The following KCNMA1 variants were observed in gnomAD, a reference collection of about 807,000 sequenced individuals.
KCNMA1 encodes potassium calcium-activated channel subfamily M alpha 1.
KCNMA1 carries 29 observed loss-of-function variants against 140.0 expected under a neutral mutation model. The observed-to-expected ratio is 0.21, with a 90% CI of 0.15 to 0.28. KCNMA1 has a LOEUF of 0.28. Among genes scored for constraint, KCNMA1 ranks in the 10% least tolerant of loss-of-function variants. The pLI, the probability that KCNMA1 is intolerant of heterozygous loss-of-function variation, is 1.00. For missense variants in KCNMA1, 880 were observed against 1,602.2 expected (o/e 0.55, Z 7.70); for synonymous variants, 612 against 611.9 (o/e 1.00, Z 0.00).
At chr10:77,558,554 G>T (rs147778141) in intron 1 of KCNMA1, among the ~76,000 whole-genome samples, 13 of 152,250 alleles carry the variant, frequency 8.5e-5, no homozygotes, top group East Asian at 1.9e-4. Context: ...AAGAAGATAG[G>T]TTCCCTCATT....
chr10:77,268,470 T>C (rs1049211416), intron 2 of KCNMA1, among the ~76,000 whole-genome samples: 2 of 152,072 alleles, frequency 1.3e-5, no homozygotes, highest in South Asian at 2.1e-4. Flanking sequence ...GCATTGAACA[T>C]GATTAATAAA....
intron 3 of KCNMA1, among the ~76,000 whole-genome samples, chr10:77,207,250 CTT>C (rs1302243169): frequency 6.6e-6 from 1 of 152,080 alleles, no homozygotes; most frequent in African/African-American, 2.4e-5. Context: ...TAATTCCACA[CTT>C]AAAGTATCTT....
intron 22 of KCNMA1, among the ~76,000 whole-genome samples, chr10:76,945,562 C>T (rs960094046): frequency 6.6e-6 from 1 of 152,086 alleles, no homozygotes; most frequent in African/African-American, 2.4e-5. Context: ...AGTTAAGCTT[C>T]AGATCATATA....
Position 77,007,252 on chromosome 10 carries a change from A to G in KCNMA1, c.2092+4715T>C, listed in dbSNP as rs569417458. On this transcript the variant is annotated intron_variant, in intron 18 of 27. Transcript: ENST00000286628. Reference sequence around the variant, plus strand: ...ACTTGTTCAGACTTATACATTGCTCATTGCTGAAATGGAATGTTCTCCTCC... The same window carrying G: ...ACTTGTTCAGACTTATACATTGCTCGTTGCTGAAATGGAATGTTCTCCTCC... 2.6e-5 allele frequency among the ~76,000 whole-genome samples: 4 copies of G among 152,320 alleles called. No individual in the cohort carries two copies. In the South Asian group the frequency reaches 6.2e-4, roughly 24 times the overall value.
intron 1 of KCNMA1, among the ~76,000 whole-genome samples, chr10:77,422,590 A>G (rs757260896): frequency 8.5e-5 from 13 of 152,312 alleles, no homozygotes; most frequent in South Asian, 2.1e-4. Flanking sequence ...ATTTGTTTCA[A>G]TAGTAATCCC....
intron 1 of KCNMA1, among the ~76,000 whole-genome samples, chr10:77,424,578 G>A (rs2096936399): frequency 1.3e-5 from 2 of 149,160 alleles, no homozygotes; most frequent in Non-Finnish European, 3.0e-5. Context: ...CTCACAACAG[G>A]TTCTCAGACA....
chr10:76,984,459 G>T (rs939085053), intron 19 of KCNMA1, among the ~76,000 whole-genome samples: 3 of 152,190 alleles, frequency 2.0e-5, no homozygotes, highest in South Asian at 4.2e-4. Context: ...CAAAGTTCTG[G>T]GGTTACAGAC....
intron 15 of KCNMA1, among the ~76,000 whole-genome samples, chr10:77,034,992 A>C (rs1008215419): frequency 6.6e-6 from 1 of 152,078 alleles, no homozygotes; most frequent in Non-Finnish European, 1.5e-5. Flanking sequence ...CTCCTTGTCC[A>C]GCCCCTCCCC....
chr10:77,093,121 A>G (rs1201433097), intron 9 of KCNMA1, among the ~76,000 whole-genome samples: 1 of 152,234 alleles, frequency 6.6e-6, no homozygotes, highest in Non-Finnish European at 1.5e-5. Context: ...GACTTTTTTC[A>G]TTTGGTGCTA....
At chr10:77,527,641 G>A (rs74577679) in intron 1 of KCNMA1, among the ~76,000 whole-genome samples, 15,268 of 152,210 alleles carry the variant, frequency 0.1, 990 homozygotes, top group Middle Eastern at 0.15. Context: ...ATAACCAGAA[G>A]GCAGGTGCAA....
chr10:77,112,178 C>T (rs554663453), intron 7 of KCNMA1, among the ~76,000 whole-genome samples, 189 bp downstream of exon 7: 1 of 152,322 alleles, frequency 6.6e-6, no homozygotes, highest in Admixed American at 6.5e-5. Flanking sequence ...GCAAACATTA[C>T]TCACCATTTG....
chr10:76,922,616 A>C (rs1172672137), intron 23 of KCNMA1, among the ~76,000 whole-genome samples: 1 of 152,194 alleles, frequency 6.6e-6, no homozygotes, highest in Non-Finnish European at 1.5e-5. Flanking sequence ...AGGAGTCTGC[A>C]GGTGTGGGGC....
At chr10:77,446,679 T>A (rs1259886559) in intron 1 of KCNMA1, among the ~76,000 whole-genome samples, 2 of 152,220 alleles carry the variant, frequency 1.3e-5, no homozygotes, top group South Asian at 4.1e-4. Flanking sequence ...GGAAGACACA[T>A]CCCTAAGTTG....
chr10:76,984,390 G>A (rs370012308), intron 19 of KCNMA1, among the ~76,000 whole-genome samples: 7 of 151,890 alleles, frequency 4.6e-5, no homozygotes, highest in Non-Finnish European at 5.9e-5. Context: ...GGGTTTCACC[G>A]TGTTGGCCAG....
chr10:76,908,996 G>A (rs931419750), intron 25 of KCNMA1, among the ~76,000 whole-genome samples: 1 of 152,198 alleles, frequency 6.6e-6, no homozygotes, highest in Non-Finnish European at 1.5e-5. Flanking sequence ...AAAAACAAAT[G>A]CCTGATTGCT....
intron 19 of KCNMA1, 92 bp downstream of exon 19, chr10:77,001,315 G>A (rs894740359): frequency 2.9e-5 from 35 of 1,197,128 alleles, no homozygotes; most frequent in African/African-American, 2.3e-4. Context: ...ACATCAGCCC[G>A]ACTGACTCAG....
At chr10:76,899,028 A>G (rs966237312) in intron 25 of KCNMA1, among the ~76,000 whole-genome samples, 1 of 152,074 alleles carries the variant, frequency 6.6e-6, no homozygotes, top group Non-Finnish European at 1.5e-5. Flanking sequence ...ACATAGGAGA[A>G]TTAACAGTAT....
At chr10:77,481,977 A>G (rs1603628183) in intron 1 of KCNMA1, among the ~76,000 whole-genome samples, 1 of 152,190 alleles carries the variant, frequency 6.6e-6, no homozygotes, top group East Asian at 1.9e-4. Flanking sequence ...GTTCTTCCAG[A>G]CTCAGGGCCA....
At chr10:76,986,547 G>T (rs1783967327) in intron 19 of KCNMA1, among the ~76,000 whole-genome samples, 1 of 152,170 alleles carries the variant, frequency 6.6e-6, no homozygotes, top group Non-Finnish European at 1.5e-5. Flanking sequence ...CAGATGCAAA[G>T]GGTGAAGGGG....
Sources: allele counts gnomAD v4.1 joint callset (sites outside exome capture counted in the v4.1 genomes callset), GRCh38; gene constraint gnomAD v4.1.1; transcripts MANE v1.5; gene names NCBI Gene and HGNC (gene_info 2026-07-23, HGNC 2026-07-21).